PLEKHA1: variants seen among roughly 807,000 people sequenced by gnomAD.
The protein encoded by PLEKHA1 is pleckstrin homology domain containing A1.
In PLEKHA1, 34 loss-of-function variants were observed where a neutral mutation model predicts 52.0. That is an observed-to-expected ratio of 0.65 (90% CI 0.50 to 0.87). The LOEUF (loss-of-function observed/expected upper bound fraction) is 0.87, where lower values mean the gene tolerates loss of function less well. Ranked by LOEUF, PLEKHA1 falls within the 40% of genes least tolerant of loss-of-function variation. PLEKHA1 has a pLI of 0.00. For missense variants in PLEKHA1, 497 were observed against 504.2 expected (o/e 0.99, Z 0.14); for synonymous variants, 163 against 170.7 (o/e 0.95, Z 0.35).
At chr10:122,424,174 T>TC (rs34483104) in intron 8 of PLEKHA1, 25 bp from the exon 9 acceptor site, 208,745 of 974,842 alleles carry the variant, frequency 0.21, 3,326 homozygotes, top group East Asian at 0.33. Context: ...TGTAACTGTT[T>TC]TTTTTTTTTT....
chr10:122,401,743 G>C (rs971029182), intron 4 of PLEKHA1, among the ~76,000 whole-genome samples: 1 of 152,252 alleles, frequency 6.6e-6, no homozygotes, highest in Middle Eastern at 3.4e-3. Flanking sequence ...CTCTCAGAGA[G>C]TATGTTAGTG....
chr10:122,424,299 T>G, intron 9 of PLEKHA1, 36 bp downstream of exon 9: 1 of 1,566,678 alleles, frequency 6.4e-7, no homozygotes, highest in Non-Finnish European at 8.6e-7. Flanking sequence ...CTGGCACAAG[T>G]TATAAACACA....
At chr10:122,388,799 G>A (rs2096736270) in intron 1 of PLEKHA1, among the ~76,000 whole-genome samples, 1 of 152,308 alleles carries the variant, frequency 6.6e-6, no homozygotes, top group South Asian at 2.1e-4. Context: ...TAGGATAGTG[G>A]TTGCTGAAGG....
intron 2 of PLEKHA1, among the ~76,000 whole-genome samples, chr10:122,397,676 T>TA (rs1262910023): frequency 6.6e-6 from 1 of 152,106 alleles, no homozygotes; most frequent in Non-Finnish European, 1.5e-5. Flanking sequence ...GCTCCAGTGA[T>TA]AAAAATAGCC....
At chr10:122,380,199 A>G (rs1391481019) in intron 1 of PLEKHA1, among the ~76,000 whole-genome samples, 1 of 152,210 alleles carries the variant, frequency 6.6e-6, no homozygotes, top group Admixed American at 6.5e-5. Context: ...TTAATCTTTG[A>G]TGCAGTAATT....
rs3736472 is a variant in PLEKHA1, at chr10:122,409,143, A to G, written c.342+2470A>G. 0.012 allele frequency among the ~76,000 whole-genome samples: 1,863 copies of G among 152,270 alleles called. 93 individuals are homozygous for G. In the East Asian group the frequency reaches 0.18, roughly 15 times the overall value. On this transcript the variant is annotated intron_variant, in intron 5 of 11. Transcript: ENST00000368990. ...CCTTACTTGAGTCTAGGTGGGTGCCACTTGAAATTCTTTTCCCTTTACAGT... is the reference window on the plus strand; with the variant it reads ...CCTTACTTGAGTCTAGGTGGGTGCCGCTTGAAATTCTTTTCCCTTTACAGT...
intron 2 of PLEKHA1, among the ~76,000 whole-genome samples, chr10:122,395,084 A>G (rs939675780): frequency 4.8e-4 from 73 of 152,192 alleles, no homozygotes; most frequent in African/African-American, 1.7e-3. Context: ...TGGCTAAGAG[A>G]TGGAAAAGTT....
chr10:122,378,637 G>A (rs1258599540), intron 1 of PLEKHA1, among the ~76,000 whole-genome samples: 1 of 151,450 alleles, frequency 6.6e-6, no homozygotes, highest in African/African-American at 2.4e-5. Context: ...TTGGGAGGCT[G>A]TTGTAGGAGG....
chr10:122,383,469 A>C, intron 1 of PLEKHA1, among the ~76,000 whole-genome samples: 2 of 143,342 alleles, frequency 1.4e-5, no homozygotes, highest in African/African-American at 2.6e-5. Context: ...ACAGGCACAC[A>C]CCACCATGCC....
At chr10:122,404,921 G>A (rs1208312475) in intron 4 of PLEKHA1, among the ~76,000 whole-genome samples, 2 of 152,256 alleles carry the variant, frequency 1.3e-5, no homozygotes, top group East Asian at 3.9e-4. Flanking sequence ...TGAACTGTGT[G>A]CTAGTATATC....
intron 3 of PLEKHA1, among the ~76,000 whole-genome samples, chr10:122,398,240 A>G (rs1565189348): frequency 6.6e-6 from 1 of 152,120 alleles, no homozygotes; most frequent in Non-Finnish European, 1.5e-5. Context: ...AGAAAGGGAG[A>G]AATCAGTGAA....
At position 122,429,698 on chromosome 10, in the gene PLEKHA1, C is replaced by G; in HGVS notation, c.975C>G (p.Ser325=). ...ACGCAGCCACCGCCACCTCACATTC[C>G]ACAGCCTCTCGCAGCAACTCTTTGG... The part of the protein sequence containing the change: ...PTNAATATSH[S]TASRSNSLVS... The change falls in exon 12 of 12, where the codon TCC becomes TCG. Residue 325 remains serine (S), a synonymous_variant. Coordinates refer to ENST00000368990, the MANE Select transcript of PLEKHA1 (RefSeq NM_001001974.4). 6.2e-7 allele frequency: 1 copy of G among 1,614,130 alleles called. No individual in the cohort carries two copies. Among genetic ancestry groups the G allele is most frequent in the African/African-American group, 1.3e-5 (1 of 75,008 alleles).
At chr10:122,381,012 T>C (rs1052936062) in intron 1 of PLEKHA1, among the ~76,000 whole-genome samples, 1 of 152,200 alleles carries the variant, frequency 6.6e-6, no homozygotes, top group Non-Finnish European at 1.5e-5. Flanking sequence ...AGTTTTCTCA[T>C]CTGTAAAATT....
At chr10:122,397,536 A>AT (rs1490718197) in intron 2 of PLEKHA1, among the ~76,000 whole-genome samples, 1 of 152,154 alleles carries the variant, frequency 6.6e-6, no homozygotes, top group African/African-American at 2.4e-5. Context: ...GAACAAAGTA[A>AT]TATGTATAGT....
chr10:122,410,232 T>C lies in PLEKHA1; in HGVS notation c.343-2688T>C, dbSNP rs1047218066. ...CTCTAGTTATTTTTACCTTTTCTTT[T>C]CCTACTATTAGAATTTCCTACTACT... is the stretch of plus-strand genomic sequence containing the variant. On this transcript the variant is annotated intron_variant, in intron 5 of 11. Coordinates refer to ENST00000368990, the MANE Select transcript of PLEKHA1 (RefSeq NM_001001974.4). 3.9e-5 allele frequency among the ~76,000 whole-genome samples: 6 copies of C among 152,212 alleles called. No homozygotes were observed. The South Asian group carries it at 8.3e-4, about 21-fold the overall frequency.
intron 2 of PLEKHA1, among the ~76,000 whole-genome samples, chr10:122,396,572 G>A (rs1366401052): frequency 6.6e-6 from 1 of 152,012 alleles, no homozygotes; most frequent in Non-Finnish European, 1.5e-5. Flanking sequence ...TCAACAATAA[G>A]CAGTTCATGT....
chr10:122,427,128 G>C, intron 11 of PLEKHA1, 97 bp downstream of exon 11: 3 of 1,166,168 alleles, frequency 2.6e-6, no homozygotes, highest in Non-Finnish European at 3.7e-6. Flanking sequence ...TCTTTCTTGA[G>C]ATTTATTTGC....
At chr10:122,394,267 G>T (rs1484096440) in intron 2 of PLEKHA1, among the ~76,000 whole-genome samples, 5 of 151,590 alleles carry the variant, frequency 3.3e-5, no homozygotes, top group African/African-American at 1.2e-4. Flanking sequence ...GTAGAGACAG[G>T]GTTTTTCCGT....
At chr10:122,434,708 TCCCTCCC>T (rs1218051842), downstream of PLEKHA1, 1 of 112,304 alleles carries the variant, frequency 8.9e-6, no homozygotes, top group Non-Finnish European at 1.8e-5. Context: ...CCTAATGCTA[TCCCTCCC>T]CCCTCCCCCC....
Sources: allele counts gnomAD v4.1 joint callset (sites outside exome capture counted in the v4.1 genomes callset), GRCh38; gene constraint gnomAD v4.1.1; transcripts MANE v1.5; gene names NCBI Gene and HGNC (gene_info 2026-07-23, HGNC 2026-07-21).